Variants in CLTC observed in about 807,000 individuals in gnomAD.
CLTC encodes clathrin heavy chain.
In CLTC, 16 loss-of-function variants were observed where a neutral mutation model predicts 195.8. That is an observed-to-expected ratio of 0.08 (90% confidence interval 0.06 to 0.12). The LOEUF is 0.12. Among genes scored for constraint, CLTC ranks in the 10% least tolerant of loss-of-function variants. The pLI, the probability that CLTC is intolerant of heterozygous loss-of-function variation, is 1.00. For synonymous variants in CLTC, 667 were observed against 689.4 expected, an observed-to-expected ratio of 0.97 and a Z score of 0.51; for missense variants, 796 against 2,027.0, an observed-to-expected ratio of 0.39 and a Z score of 11.66.
intron 6 of CLTC, among the ~76,000 whole-genome samples, chr17:59,660,017 T>C (rs1455722897): frequency 1.3e-5 from 2 of 152,198 alleles, no homozygotes; most frequent in East Asian, 3.8e-4. Context: ...CTCAAGAAGT[T>C]TTAAATTATG....
intron 16 of CLTC, among the ~76,000 whole-genome samples, chr17:59,675,158 T>C (rs564441086): frequency 4.7e-4 from 72 of 152,322 alleles, no homozygotes; most frequent in Middle Eastern, 3.4e-3. Flanking sequence ...GTGTGATACC[T>C]GTGTATTTAA....
At chr17:59,654,693 G>C (rs547026806) in intron 5 of CLTC, among the ~76,000 whole-genome samples, 19 of 151,420 alleles carry the variant, frequency 1.3e-4, no homozygotes, top group African/African-American at 4.4e-4. Flanking sequence ...TTTGCCCAGG[G>C]TGGTCTCGAA....
chr17:59,676,955 T>C lies in CLTC; in HGVS notation c.2563T>C (p.Leu855=), dbSNP rs1253949190. ...LVAEVEKRNR[L]KLLLPWLEAR... ...GAGGTTTTTTTCCTTTTTTCCTAGATTGAAACTGCTTCTGCCTTGGCTAGA... is the reference window on the plus strand; with the variant it reads ...GAGGTTTTTTTCCTTTTTTCCTAGACTGAAACTGCTTCTGCCTTGGCTAGA... Residue 855 remains leucine, a splice_region_variant and synonymous_variant, in exon 17 of 32, where the codon TTG becomes CTG. Coordinates refer to ENST00000269122, the MANE Select transcript of CLTC (RefSeq NM_004859.4). 9 of 1,613,414 alleles carry C rather than the reference T, an allele frequency of 5.6e-6. No homozygotes were observed. Among genetic ancestry groups the C allele is most frequent in the Admixed American group, 1.7e-5 (1 of 59,948 alleles).
chr17:59,678,821 C>T (rs770961551), intron 17 of CLTC, among the ~76,000 whole-genome samples: 1 of 146,954 alleles, frequency 6.8e-6, no homozygotes, highest in African/African-American at 2.6e-5. Flanking sequence ...GGCAACATAG[C>T]GAGCCCCCCG....
intron 4 of CLTC, among the ~76,000 whole-genome samples, chr17:59,649,725 A>G (rs1185793638): frequency 6.6e-6 from 1 of 152,214 alleles, no homozygotes; most frequent in Non-Finnish European, 1.5e-5. Flanking sequence ...ATGACATACA[A>G]TTCTGCTTAA....
intron 18 of CLTC, among the ~76,000 whole-genome samples, chr17:59,680,646 T>G (rs1362241059): frequency 1.3e-5 from 2 of 152,216 alleles, no homozygotes; most frequent in African/African-American, 4.8e-5. Flanking sequence ...GAATTATGTG[T>G]AGCCATTAAA....
chr17:59,641,591 A>G, intron 1 of CLTC, among the ~76,000 whole-genome samples: 1 of 128,266 alleles, frequency 7.8e-6, no homozygotes, highest in African/African-American at 2.9e-5. Flanking sequence ...GCGACAGAGC[A>G]AGACTCCATC....
chr17:59,664,840 T>G lies in CLTC; in HGVS notation c.1575T>G (p.Ser525Arg). 1 of 1,614,070 alleles carries G rather than the reference T, an allele frequency of 6.2e-7. No homozygotes were observed. The highest frequency in any genetic ancestry group is 1.1e-5 in the South Asian group (1 of 91,076). ...IFLLRNVMRI[S>R]PDQGQQFAQM... ...TGCTGAGAAATGTAATGCGAATCAG[T>G]CCAGATCAGGGACAGCAGTTTGCCC... Residue 525 changes from serine (S) to arginine (R), a missense_variant, in exon 10 of 32, where the codon AGT (serine) becomes AGG (arginine). Around this residue, in one of 9 missense-constraint regions of CLTC, gnomAD observed 293 missense variants for 795.6 expected, o/e 0.37. Coordinates refer to ENST00000269122, the MANE Select transcript of CLTC (RefSeq NM_004859.4).
Position 59,690,669 on chromosome 17 carries a change from AAAG to A in CLTC, c.4870_4872del (p.Glu1624del), listed in dbSNP as rs750708530. 127 of 1,613,440 alleles carry A rather than the reference AAAG, an allele frequency of 7.9e-5. No homozygotes were observed. The highest frequency in any genetic ancestry group is 3.3e-4 in the Middle Eastern group (2 of 6,056). Reference sequence around the variant, plus strand: ...ATTAGATGCTTCAGAATCACTGAGAAAAGAAGAAGAACAAGCTACAGAGACACA... The same window carrying A: ...ATTAGATGCTTCAGAATCACTGAGAAAAGAAGAACAAGCTACAGAGACACA... On this transcript the variant is annotated inframe_deletion, in exon 31 of 32. Transcript: ENST00000269122.
At position 59,620,055 on chromosome 17, in the gene CLTC, C is replaced by T. The variant is rs903627721; in HGVS notation, c.-77C>T. ...CAGCCTCCCCCCTCCCCTTCTCCTC[C>T]TCTCCCTTGGAGAGCCCGGGCAGCC... On this transcript the variant is annotated 5_prime_UTR_variant, in exon 1 of 32. Transcript: ENST00000269122. The T allele has an allele frequency of 3.2e-5, 45 of 1,407,166 alleles. No homozygotes were observed. The highest frequency in any genetic ancestry group is 4.1e-5 in the Non-Finnish European group (41 of 998,224). 87.2% of individuals were successfully genotyped at this position (1,407,166 alleles called of 1,614,324 possible). A position where few individuals can be genotyped will look rare whatever the true frequency, so the allele number is the denominator to read the frequency against.
chr17:59,682,594 A>G lies in CLTC; in HGVS notation c.3601-35A>G, dbSNP rs2143594346. The G allele has an allele frequency of 6.2e-7, 1 of 1,610,650 alleles. No individual in the cohort carries two copies. The highest frequency in any genetic ancestry group is 8.5e-7 in the Non-Finnish European group (1 of 1,177,488). On this transcript the variant is annotated intron_variant, in intron 22 of 31. Coordinates refer to ENST00000269122, the MANE Select transcript of CLTC (RefSeq NM_004859.4). The surrounding 1 kb of genome is among the most constrained non-coding windows in gnomAD (Gnocchi z 6.8). Reference sequence around the variant, plus strand: ...AAAAGAGGATTAAGCTCACACTAATATCTTGCTGAATGTGGGTTACCTTTT... The same window carrying G: ...AAAAGAGGATTAAGCTCACACTAATGTCTTGCTGAATGTGGGTTACCTTTT...
chr17:59,636,531 C>A (rs530989437), intron 1 of CLTC, among the ~76,000 whole-genome samples: 1 of 152,044 alleles, frequency 6.6e-6, no homozygotes, highest in Non-Finnish European at 1.5e-5. Context: ...TCTCAGCTCA[C>A]TGCAACCTCT....
rs768970595 is a variant in CLTC at position 59,681,267 on chromosome 17, A to G, written c.3066-28A>G. 31 of 1,580,044 alleles carry G rather than the reference A, an allele frequency of 2.0e-5. No homozygotes were observed. The highest frequency in any genetic ancestry group is 2.7e-5 in the Non-Finnish European group (31 of 1,161,562). ...ATGTCGGATAAACTTAAAATATTGC[A>G]TTTAAAATATTCTTTTTTTTCTTAA... On this transcript the variant is annotated intron_variant, in intron 19 of 31. Transcript: ENST00000269122. This position sits in a 1 kb window ranked among gnomAD's most constrained non-coding sequence, Gnocchi z 5.0.
At chr17:59,673,341 C>G (rs1200571171) in intron 14 of CLTC, among the ~76,000 whole-genome samples, 1 of 152,136 alleles carries the variant, frequency 6.6e-6, no homozygotes, top group Admixed American at 6.5e-5. Flanking sequence ...GTGAAAGTCC[C>G]AGTATGGTGA....
At chr17:59,673,279 T>C (rs1158129022) in intron 14 of CLTC, among the ~76,000 whole-genome samples, 1 of 152,298 alleles carries the variant, frequency 6.6e-6, no homozygotes, top group East Asian at 1.9e-4. Context: ...TGTTTGACAA[T>C]GTGACTATAG....
At chr17:59,688,848 T>A (rs1368260824) in intron 30 of CLTC, among the ~76,000 whole-genome samples, 1 of 152,184 alleles carries the variant, frequency 6.6e-6, no homozygotes, top group Non-Finnish European at 1.5e-5. Flanking sequence ...GGTTGTTTCA[T>A]TTTTCTTCTT....
chr17:59,644,449 C>T lies in CLTC; in HGVS notation c.216C>T (p.Ile72=). ...IRRPISADSA[I]MNPASKVIAL... ...GACCAATTTCAGCAGACAGCGCCAT[C>T]ATGAATCCAGCTAGCAAAGTAATTG... The change falls in exon 2 of 32, where the codon ATC becomes ATT. Residue 72 remains isoleucine, a synonymous_variant. Coordinates refer to ENST00000269122, the MANE Select transcript of CLTC (RefSeq NM_004859.4). 6.2e-7 allele frequency: 1 copy of T among 1,613,984 alleles called. No individual in the cohort carries two copies. Among genetic ancestry groups the T allele is most frequent in the South Asian group, 1.1e-5 (1 of 91,084 alleles).
intron 4 of CLTC, among the ~76,000 whole-genome samples, chr17:59,649,584 C>T (rs949620291): frequency 8.5e-5 from 13 of 152,114 alleles, no homozygotes; most frequent in African/African-American, 2.9e-4. Flanking sequence ...CTAGGCAGAC[C>T]AAAAAATTTG....
rs372016481 is a variant in CLTC, at chr17:59,692,129, C to T, written c.4903+1418C>T. ...GTCAGGAGATCAAGACCATCCTGGC[C>T]AACATGGTGAAACCCCATCTCTACT... On this transcript the variant is annotated intron_variant, in intron 31 of 31. Coordinates refer to ENST00000269122, the MANE Select transcript of CLTC (RefSeq NM_004859.4). Among the ~76,000 whole-genome samples, 523 of 152,158 alleles carry T rather than the reference C, an allele frequency of 3.4e-3. 5 individuals are homozygous for T. The highest frequency in any genetic ancestry group is 1.9e-3 in the South Asian group (9 of 4,824).
Sources: gnomAD v4.1 joint callset for allele counts (sites outside exome capture counted in the v4.1 genomes callset) on GRCh38, gnomAD v4.1.1 for gene constraint, gnomAD v4.1.1 regional missense constraint, Gnocchi (gnomAD v3.1) non-coding constraint, MANE v1.5 for transcripts, NCBI Gene and HGNC (gene_info 2026-07-23, HGNC 2026-07-21) for gene names.